Variants in DTNBP1 observed in about 807,000 individuals in gnomAD.
DTNBP1 encodes dysbindin.
Under a neutral mutation model 42.8 loss-of-function variants are expected in DTNBP1, and 35 were observed. The ratio of observed to expected loss-of-function variants is 0.82; its 90% CI spans 0.63 to 1.09. DTNBP1 has a LOEUF of 1.09. Ranked by LOEUF, DTNBP1 falls within the 50% of genes least tolerant of loss-of-function variation. The pLI, the probability that DTNBP1 is intolerant of heterozygous loss-of-function variation, is 0.00. For synonymous variants in DTNBP1, 171 were observed against 162.2 expected, an observed-to-expected ratio of 1.05 and a Z score of -0.41; for missense variants, 457 against 424.2, an observed-to-expected ratio of 1.08 and a Z score of -0.68.
In DTNBP1 at chr6:15,605,419, C is replaced by T. The variant is rs1258934765; in HGVS notation, c.488+9848G>A. On this transcript the variant is annotated intron_variant, in intron 6 of 9. Coordinates refer to ENST00000344537, the MANE Select transcript of DTNBP1 (RefSeq NM_032122.5). Reference sequence around the variant, plus strand: ...TCCTAGATCCTCATATGACTGCCATCTTACTCAAACCTCTTCTCACATATC... The same window carrying T: ...TCCTAGATCCTCATATGACTGCCATTTTACTCAAACCTCTTCTCACATATC... 5.3e-5 allele frequency among the ~76,000 whole-genome samples: 8 copies of T among 152,156 alleles called. No homozygotes were observed. The South Asian group carries it at 1.2e-3, about 24-fold the overall frequency.
In DTNBP1 at chr6:15,662,905, G is replaced by GGCT; in HGVS notation, c.-39_-37dup. ...GCCGGTCTCCTCTCCTCAGGCCTCGGGCTGCTGCTGCCTCTGTCGCCCCCT... is the reference window on the plus strand; with the variant it reads ...GCCGGTCTCCTCTCCTCAGGCCTCGGGCTGCTGCTGCTGCCTCTGTCGCCCCCT... On this transcript the variant is annotated 5_prime_UTR_variant, in exon 1 of 10. Coordinates refer to ENST00000344537, the MANE Select transcript of DTNBP1 (RefSeq NM_032122.5). The GGCT allele has an allele frequency of 6.2e-7, 1 of 1,600,958 alleles. No homozygotes were observed. Among genetic ancestry groups the GGCT allele is most frequent in the Non-Finnish European group, 8.5e-7 (1 of 1,179,020 alleles).
intron 7 of DTNBP1, among the ~76,000 whole-genome samples, chr6:15,550,832 C>T (rs899756154): frequency 2.6e-5 from 4 of 152,070 alleles, no homozygotes; most frequent in Non-Finnish European, 4.4e-5. Flanking sequence ...ACAGGGATGA[C>T]GGAAGATGGA....
intron 7 of DTNBP1, among the ~76,000 whole-genome samples, chr6:15,538,215 T>C (rs944155986): frequency 1.3e-5 from 2 of 152,176 alleles, no homozygotes; most frequent in African/African-American, 4.8e-5. Context: ...CTGGGCCTTC[T>C]TGGAGAAAGA....
intron 5 of DTNBP1, among the ~76,000 whole-genome samples, chr6:15,618,748 T>A (rs151096573): frequency 6.6e-6 from 1 of 152,160 alleles, no homozygotes; most frequent in African/African-American, 2.4e-5. Flanking sequence ...GGAAAGGAAA[T>A]CAGTATGCTG....
At chr6:15,613,318 A>AG (rs1561991482) in intron 6 of DTNBP1, among the ~76,000 whole-genome samples, 6 of 138,424 alleles carry the variant, frequency 4.3e-5, no homozygotes, top group African/African-American at 1.6e-4. Context: ...AAAAAAAAAA[A>AG]AAAAAAAAAA....
At chr6:15,600,332 A>C (rs1490685155) in intron 6 of DTNBP1, among the ~76,000 whole-genome samples, 1 of 152,114 alleles carries the variant, frequency 6.6e-6, no homozygotes, top group Non-Finnish European at 1.5e-5. Context: ...TATCTCCCCT[A>C]GTCTCTCTTT....
At chr6:15,640,552 CCTTA>C (rs1760285130) in intron 3 of DTNBP1, among the ~76,000 whole-genome samples, 1 of 152,150 alleles carries the variant, frequency 6.6e-6, no homozygotes, top group South Asian at 2.1e-4. Context: ...TAAATAATTA[CCTTA>C]CTTGGTAGAC....
chr6:15,539,711 C>T (rs113006999), intron 7 of DTNBP1, among the ~76,000 whole-genome samples: 15 of 152,180 alleles, frequency 9.9e-5, no homozygotes, highest in Admixed American at 2.0e-4. Context: ...GATCCTGGTA[C>T]GACGGCACAT....
chr6:15,613,603 T>C (rs564260246), intron 6 of DTNBP1, among the ~76,000 whole-genome samples: 106 of 152,098 alleles, frequency 7.0e-4, no homozygotes, highest in Non-Finnish European at 2.9e-5. Context: ...CCTGACCACA[T>C]GATCTGCCCG....
chr6:15,612,866 G>C (rs1758490817), intron 6 of DTNBP1, among the ~76,000 whole-genome samples: 1 of 152,162 alleles, frequency 6.6e-6, no homozygotes, highest in Admixed American at 6.5e-5. Flanking sequence ...ACAACAGAAT[G>C]TCTCTCTAAC....
At chr6:15,613,418 G>A (rs1164485653) in intron 6 of DTNBP1, among the ~76,000 whole-genome samples, 3 of 134,086 alleles carry the variant, frequency 2.2e-5, no homozygotes, top group Non-Finnish European at 4.7e-5. Flanking sequence ...CCAGGATGGA[G>A]TGCAGTGGCG....
Position 15,662,943 on chromosome 6 carries a change from G to A in DTNBP1, c.-74C>T, listed in dbSNP as rs1442643196. On this transcript the variant is annotated 5_prime_UTR_variant, in exon 1 of 10. Transcript: ENST00000344537. ...TCTGTCGCCCCCTGGGTCCCACGCC[G>A]CCAACCCCGCGCTGTCACCGCGCGC... 12 of 1,586,056 alleles carry A rather than the reference G, an allele frequency of 7.6e-6. No individual in the cohort carries two copies. The South Asian group carries it at 9.9e-5, about 13-fold the overall frequency.
chr6:15,566,450 T>A (rs1310879907), intron 7 of DTNBP1, among the ~76,000 whole-genome samples: 1 of 151,970 alleles, frequency 6.6e-6, no homozygotes, highest in African/African-American at 2.4e-5. Context: ...GCATGCCTCA[T>A]CATACCTTCT....
intron 5 of DTNBP1, among the ~76,000 whole-genome samples, chr6:15,627,139 T>C (rs1759392007): frequency 6.6e-6 from 1 of 152,178 alleles, no homozygotes; most frequent in South Asian, 2.1e-4. Context: ...GGAGCTGACC[T>C]GAGGCAGAAA....
chr6:15,524,702 T>C (rs1772242806), intron 8 of DTNBP1, 33 bp from the exon 9 acceptor site: 3 of 1,608,026 alleles, frequency 1.9e-6, no homozygotes, highest in East Asian at 4.5e-5. Flanking sequence ...AAGGACACGC[T>C]GTCTTTAATA....
chr6:15,592,049 G>C (rs1776322056), intron 7 of DTNBP1, among the ~76,000 whole-genome samples: 1 of 152,130 alleles, frequency 6.6e-6, no homozygotes, highest in Non-Finnish European at 1.5e-5. Flanking sequence ...AGCCGTAGTA[G>C]GTCAAACAGA....
At chr6:15,654,631 C>T (rs1428649401) in intron 1 of DTNBP1, among the ~76,000 whole-genome samples, 3 of 151,756 alleles carry the variant, frequency 2.0e-5, no homozygotes, top group Admixed American at 1.3e-4. Context: ...TCCCCGCCAC[C>T]GACAAAAAGA....
chr6:15,627,318 T>C (rs755371612), intron 5 of DTNBP1, 25 bp downstream of exon 5: 9 of 1,611,694 alleles, frequency 5.6e-6, no homozygotes, highest in Middle Eastern at 1.7e-4. Context: ...CTAAAAGTAA[T>C]GTACAATGAA....
intron 1 of DTNBP1, among the ~76,000 whole-genome samples, chr6:15,655,527 C>T (rs1169128810): frequency 1.3e-5 from 2 of 151,684 alleles, no homozygotes; most frequent in African/African-American, 4.8e-5. Context: ...AGAAAAGAAA[C>T]TGTTGGAGAA....
Sources: gnomAD v4.1 joint callset for allele counts (sites outside exome capture counted in the v4.1 genomes callset) on GRCh38, gnomAD v4.1.1 for gene constraint, MANE v1.5 for transcripts, NCBI Gene and HGNC (gene_info 2026-07-23, HGNC 2026-07-21) for gene names.